SLC2A11: variants seen among roughly 807,000 people sequenced by gnomAD.
The protein encoded by SLC2A11 is solute carrier family 2, facilitated glucose transporter member 11.
SLC2A11 carries 43 observed loss-of-function variants against 52.1 expected under a neutral mutation model. That is an observed-to-expected ratio of 0.82 (90% confidence interval 0.65 to 1.06). The LOEUF is 1.06. Among genes scored for constraint, SLC2A11 ranks in the 50% least tolerant of loss-of-function variants. The pLI, the probability that SLC2A11 is intolerant of heterozygous loss-of-function variation, is 0.00. For missense variants in SLC2A11, 582 were observed against 654.2 expected (o/e 0.89, Z 1.20); for synonymous variants, 261 against 277.6 (o/e 0.94, Z 0.59).
chr22:23,882,340 T>A (rs2146143979), intron 6 of SLC2A11, 119 bp from the exon 7 acceptor site: 1 of 866,082 alleles, frequency 1.2e-6, no homozygotes, highest in South Asian at 1.8e-5. Flanking sequence ...ACAGACAGAC[T>A]CAGAGACAGA....
rs930562221 is a variant in SLC2A11, at chr22:23,882,092, A to G, written c.695-367A>G. The G allele has an allele frequency of 2.0e-5, 7 of 354,092 alleles. 2 individuals are homozygous for G. The South Asian group carries it at 2.1e-4, about 11-fold the overall frequency. 21.9% of individuals were successfully genotyped at this position (354,092 alleles called of 1,614,324 possible). ...AACACACACACACACAGAGACACAC[A>G]CAGAGACAGAGAGATTGAGAAAGAC... On this transcript the variant is annotated intron_variant, in intron 6 of 11. Transcript: ENST00000316185.
rs1473392979 is a variant in SLC2A11 at position 23,883,849 on chromosome 22, C to T, written c.1071C>T (p.Ile357=). ...GCCTGATGACCTGCTGGGGGAGCATCTTCACTGTGGCCCTGTGCCTGCAGG... is the reference window on the plus strand; with the variant it reads ...GCCTGATGACCTGCTGGGGGAGCATTTTCACTGTGGCCCTGTGCCTGCAGG... The part of the protein sequence containing the change: ...GYSLMTCWGS[I]FTVALCLQSS... The change falls in exon 9 of 12, where the codon ATC becomes ATT. Residue 357 remains isoleucine (I), a synonymous_variant. Transcript: ENST00000316185. 6.3e-7 allele frequency: 1 copy of T among 1,591,660 alleles called. No individual in the cohort carries two copies. The highest frequency in any genetic ancestry group is 1.9e-5 in the Admixed American group (1 of 52,752).
At chr22:23,875,422 A>G (rs2032587212) in intron 4 of SLC2A11, among the ~76,000 whole-genome samples, 181 bp downstream of exon 4, 1 of 152,174 alleles carries the variant, frequency 6.6e-6, no homozygotes, top group Admixed American at 6.5e-5. Flanking sequence ...TCATATAACT[A>G]GATATTTAAA....
intron 6 of SLC2A11, chr22:23,879,647 G>C (rs2146138012): frequency 1.3e-5 from 2 of 152,140 alleles, no homozygotes; most frequent in Middle Eastern, 6.8e-3. Context: ...CCTGCTCCTG[G>C]GATGTCACTA....
intron 2 of SLC2A11, among the ~76,000 whole-genome samples, chr22:23,864,422 A>T (rs2032187330): frequency 6.6e-6 from 1 of 152,108 alleles, no homozygotes; most frequent in African/African-American, 2.4e-5. Flanking sequence ...CCTGGGTTCA[A>T]GCGATTCTGC....
rs1259026441 is a variant in SLC2A11 at position 23,860,420 on chromosome 22, CAA to C, written c.31-1681_31-1680del. ...CAAAATGAGACCTTGTCTCAAAAAA[CAA>C]AACAGAAAATCACCAAAGGAGAAAG... On this transcript the variant is annotated intron_variant, in intron 1 of 11. Transcript: ENST00000316185. Among the ~76,000 whole-genome samples, 3 of 151,326 alleles carry C rather than the reference CAA, an allele frequency of 2.0e-5. No individual in the cohort carries two copies. The East Asian group carries it at 5.9e-4, about 30-fold the overall frequency.
intron 2 of SLC2A11, chr22:23,866,240 C>T (rs1015769590): frequency 6.6e-6 from 1 of 152,310 alleles, no homozygotes; most frequent in Non-Finnish European, 1.5e-5. Flanking sequence ...TGTCAATGGT[C>T]ACTCTTGAGG....
Position 23,884,408 on chromosome 22 carries a change from C to T in SLC2A11, c.1278C>T (p.Gly426=). ...ALMWIMLILV[G]LGFPFIMEAL... The stretch of plus-strand genomic sequence containing the variant: ...TGTGGATCATGCTCATCCTGGTCGG[C>T]CTGGGATTTCCCTTTATCATGGTAG... Residue 426 remains glycine, a synonymous_variant, in exon 11 of 12, where the codon GGC becomes GGT. Coordinates refer to ENST00000316185, the MANE Select transcript of SLC2A11 (RefSeq NM_001024939.4). The surrounding 1 kb of genome is among the most constrained non-coding windows in gnomAD (Gnocchi z 4.3). The T allele has an allele frequency of 6.2e-7, 1 of 1,613,868 alleles. No individual in the cohort carries two copies. Among genetic ancestry groups the T allele is most frequent in the Non-Finnish European group, 8.5e-7 (1 of 1,179,892 alleles).
At position 23,884,818 on chromosome 22, in the gene SLC2A11, G is replaced by C. The variant is rs776728932; in HGVS notation, c.1469G>C (p.Ser490Thr). Residue 490 changes from serine (S) to threonine (T), a missense_variant, in exon 12 of 12, where the codon AGC (serine) becomes ACC (threonine). Coordinates refer to ENST00000316185, the MANE Select transcript of SLC2A11 (RefSeq NM_001024939.4). This position sits in a 1 kb window ranked among gnomAD's most constrained non-coding sequence, Gnocchi z 4.3. ...PRRAQGPTWRSLEVIQSTEL is the reference protein window; with the variant it reads ...PRRAQGPTWRTLEVIQSTEL ...CGGGCCCAGGGCCCCACGTGGAGGA[G>C]CCTGGAGGTTATCCAGTCAACAGAA... The C allele has an allele frequency of 1.7e-5, 27 of 1,614,184 alleles. No homozygotes were observed. The highest frequency in any genetic ancestry group is 2.3e-5 in the Non-Finnish European group (27 of 1,180,014).
chr22:23,884,495 G>T lies in SLC2A11; in HGVS notation c.1299+66G>T. The T allele has an allele frequency of 6.3e-7, 1 of 1,576,836 alleles. No homozygotes were observed. The highest frequency in any genetic ancestry group is 2.2e-5 in the East Asian group (1 of 44,526). On this transcript the variant is annotated intron_variant, in intron 11 of 11. Transcript: ENST00000316185. The surrounding 1 kb of genome is among the most constrained non-coding windows in gnomAD (Gnocchi z 4.3). ...TGTCCCTGTCATCCTGAGAACCCCA[G>T]GGGGAGGCTTCCATCCAGGGAGACT...
Position 23,877,843 on chromosome 22 carries a change from G to A in SLC2A11, c.668G>A (p.Cys223Tyr), listed in dbSNP as rs1279943707. ...PESPRYLLID[C>Y]GDTEACLAAL... Reference sequence around the variant, plus strand: ...AGCCCGCGCTACCTCCTCATTGACTGTGGAGACACCGAGGCCTGCCTGGCA... The same window carrying A: ...AGCCCGCGCTACCTCCTCATTGACTATGGAGACACCGAGGCCTGCCTGGCA... Residue 223 changes from cysteine (C) to tyrosine (Y), a missense_variant, in exon 6 of 12, where the codon TGT (cysteine) becomes TAT (tyrosine). Coordinates refer to ENST00000316185, the MANE Select transcript of SLC2A11 (RefSeq NM_001024939.4). 3 of 1,613,246 alleles carry A rather than the reference G, an allele frequency of 1.9e-6. No homozygotes were observed. Among genetic ancestry groups the A allele is most frequent in the South Asian group, 2.2e-5 (2 of 90,904 alleles).
intron 6 of SLC2A11, among the ~76,000 whole-genome samples, chr22:23,880,258 CAA>C (rs60165299): frequency 5.7e-3 from 237 of 41,900 alleles, no homozygotes; most frequent in African/African-American, 0.015. Context: ...GACTCCATCT[CAA>C]AAAAAAAAAA....
intron 3 of SLC2A11, among the ~76,000 whole-genome samples, chr22:23,874,436 G>A: frequency 6.7e-6 from 1 of 150,084 alleles, no homozygotes; most frequent in Admixed American, 6.7e-5. Flanking sequence ...ACAGGCGTGC[G>A]CCATCATGCA....
At chr22:23,858,114 G>C in intron 1 of SLC2A11, 85 bp downstream of exon 1, 2 of 1,526,144 alleles carry the variant, frequency 1.3e-6, no homozygotes, top group South Asian at 2.4e-5. Flanking sequence ...CAGCCACCTG[G>C]GAGGCTTAAC....
In SLC2A11 at chr22:23,867,750, A is replaced by G. The variant is rs530012634; in HGVS notation, c.130-731A>G. 3.4e-4 allele frequency: 158 copies of G among 470,494 alleles called. 4 individuals are homozygous for G. Among genetic ancestry groups the G allele is most frequent in the South Asian group, 2.4e-3 (152 of 64,534 alleles). 29.1% of individuals were successfully genotyped at this position (470,494 alleles called of 1,614,324 possible). A position where few individuals can be genotyped will look rare whatever the true frequency, so the allele number is the denominator to read the frequency against. On this transcript the variant is annotated intron_variant, in intron 2 of 11. Transcript: ENST00000316185. ...GAATGACAAGATTTGATGAGCTTCC[A>G]GGTTCATGAACACATTGAGGTGCTG...
At chr22:23,867,530 G>A (rs1009118472) in intron 2 of SLC2A11, 4 of 343,410 alleles carry the variant, frequency 1.2e-5, no homozygotes, top group Non-Finnish European at 2.4e-5. Context: ...AGCATCTTTT[G>A]TTATTTGCAA....
chr22:23,867,708 G>A, intron 2 of SLC2A11: 1 of 470,608 alleles, frequency 2.1e-6, no homozygotes, highest in South Asian at 1.5e-5. Context: ...TGAAGATTAA[G>A]GTCTATAAAA....
chr22:23,882,135 A>AC lies in SLC2A11; in HGVS notation c.695-324_695-323insC, dbSNP rs1568997142. 8.6e-4 allele frequency: 146 copies of AC among 170,156 alleles called. 5 individuals carry two copies. The highest frequency in any genetic ancestry group is 4.9e-3 in the African/African-American group (87 of 17,728). 10.5% of individuals were successfully genotyped at this position (170,156 alleles called of 1,614,324 possible). A position where few individuals can be genotyped will look rare whatever the true frequency, so the allele number is the denominator to read the frequency against. ...AGAAAGACAGGCAGAGAGAGAGAGA[A>AC]ACACACACACACAGACACAGAGACA... On this transcript the variant is annotated intron_variant, in intron 6 of 11. Transcript: ENST00000316185.
At chr22:23,862,462 C>T in intron 2 of SLC2A11, 2 of 476,120 alleles carry the variant, frequency 4.2e-6, no homozygotes, top group Admixed American at 3.4e-5. Flanking sequence ...TGACTCTTCT[C>T]TTCATCTCTT....
Sources: allele counts gnomAD v4.1 joint callset (sites outside exome capture counted in the v4.1 genomes callset), GRCh38; gene constraint gnomAD v4.1.1; non-coding constraint Gnocchi (gnomAD v3.1); transcripts MANE v1.5; gene names NCBI Gene and HGNC (gene_info 2026-07-23, HGNC 2026-07-21).